Variants in ZNG1B observed in about 807,000 individuals in gnomAD.
ZNG1B encodes the protein Zn regulated GTPase metalloprotein activator 1B.
At chr2:113,450,504 C>G in the ZNG1B span, among the ~76,000 whole-genome samples, 2 of 148,636 alleles carry the variant, frequency 1.3e-5, no homozygotes, top group Non-Finnish European at 3.0e-5. Flanking sequence ...TCATCTTATT[C>G]TGCTTCTTCT....
the ZNG1B span, chr2:113,454,626 A>G: frequency 4.0e-6 from 3 of 744,824 alleles, no homozygotes; most frequent in Admixed American, 2.6e-5. Flanking sequence ...TGTTTTATTG[A>G]GTAGTATTTG....
chr2:113,489,532 A>G, the ZNG1B span, among the ~76,000 whole-genome samples: 1 of 152,174 alleles, frequency 6.6e-6, no homozygotes, highest in African/African-American at 2.4e-5. Context: ...CTAACATTGA[A>G]TATAAATGGC....
chr2:113,475,566 T>C, the ZNG1B span, among the ~76,000 whole-genome samples: 10 of 151,836 alleles, frequency 6.6e-5, no homozygotes, highest in Non-Finnish European at 1.0e-4. Context: ...CGTTAGTTGA[T>C]GCAGTTTCTT....
At chr2:113,440,136 G>A in the ZNG1B span, among the ~76,000 whole-genome samples, 23 of 151,602 alleles carry the variant, frequency 1.5e-4, 1 homozygote, top group South Asian at 4.4e-3. Context: ...CGCCCGCCTC[G>A]GCCTCCCAAA....
the ZNG1B span, among the ~76,000 whole-genome samples, chr2:113,477,898 C>G: frequency 6.6e-5 from 10 of 152,182 alleles, no homozygotes; most frequent in African/African-American, 2.4e-4. Flanking sequence ...TTACCTGACG[C>G]AAGTGGAATC....
At chr2:113,456,091 A>G in the ZNG1B span, among the ~76,000 whole-genome samples, 1 of 151,598 alleles carries the variant, frequency 6.6e-6, no homozygotes, top group African/African-American at 2.4e-5. Context: ...GGGATATGTC[A>G]GGTTTGTCAA....
chr2:113,461,420 A>C, the ZNG1B span, among the ~76,000 whole-genome samples: 3 of 151,876 alleles, frequency 2.0e-5, no homozygotes, highest in Non-Finnish European at 1.5e-5. Flanking sequence ...CCTTATGAAA[A>C]TATGGTTATT....
chr2:113,446,878 A>G, the ZNG1B span, among the ~76,000 whole-genome samples: 1 of 151,992 alleles, frequency 6.6e-6, no homozygotes, highest in Admixed American at 6.6e-5. Flanking sequence ...GCTACTTGGT[A>G]GTATGTTGAA....
At chr2:113,471,009 T>C in the ZNG1B span, 13 of 1,577,524 alleles carry the variant, frequency 8.2e-6, no homozygotes, top group Non-Finnish European at 1.0e-5. Flanking sequence ...TTCCAACTGC[T>C]CACGTTAGTT....
chr2:113,462,706 T>C, the ZNG1B span: 1 of 582,794 alleles, frequency 1.7e-6, no homozygotes, highest in East Asian at 2.9e-5. Context: ...TAGTTCACAG[T>C]TAATAGACTG....
chr2:113,469,144 A>T, the ZNG1B span: 3 of 151,676 alleles, frequency 2.0e-5, no homozygotes, highest in Non-Finnish European at 2.9e-5. Context: ...TTTTATTTTT[A>T]TTTATTTTTA....
At chr2:113,495,747 T>G in the ZNG1B span, 1 of 730,074 alleles carries the variant, frequency 1.4e-6, no homozygotes, top group Non-Finnish European at 2.1e-6. Context: ...TACATAACAC[T>G]AGAGGCATTT....
At chr2:113,475,694 A>G in the ZNG1B span, among the ~76,000 whole-genome samples, 1 of 151,984 alleles carries the variant, frequency 6.6e-6, no homozygotes, top group African/African-American at 2.4e-5. Flanking sequence ...GGTGGTGACA[A>G]AATCTCTCAG....
the ZNG1B span, among the ~76,000 whole-genome samples, chr2:113,454,378 AACCT>A: frequency 1.3e-5 from 2 of 151,972 alleles, no homozygotes; most frequent in African/African-American, 4.8e-5. Flanking sequence ...AACTAGAAAT[AACCT>A]GTCTTATGTA....
chr2:113,443,350 G>C, the ZNG1B span, among the ~76,000 whole-genome samples: 1 of 151,534 alleles, frequency 6.6e-6, no homozygotes, highest in Admixed American at 6.6e-5. Flanking sequence ...TTTAGAAGAA[G>C]AATGAAAAGA....
the ZNG1B span, chr2:113,470,884 G>T: frequency 1.8e-5 from 12 of 651,340 alleles, 1 homozygote; most frequent in South Asian, 4.0e-5. Flanking sequence ...TTTCAATCTT[G>T]ATTCAACTGT....
the ZNG1B span, among the ~76,000 whole-genome samples, chr2:113,447,036 C>T: frequency 3.9e-3 from 483 of 123,230 alleles, no homozygotes; most frequent in African/African-American, 0.011. Context: ...ACAGCCATAC[C>T]GCAGGGATAT....
the ZNG1B span, chr2:113,453,128 T>C: frequency 2.5e-6 from 4 of 1,578,702 alleles, no homozygotes; most frequent in South Asian, 4.7e-5. Flanking sequence ...ATGAATATTA[T>C]ATATTTTCAG....
chr2:113,439,087 G>T, the ZNG1B span: 6 of 1,541,318 alleles, frequency 3.9e-6, no homozygotes, highest in Non-Finnish European at 5.3e-6. Flanking sequence ...TTTCAAACGT[G>T]CCGCTCGGGC....
Sources: allele counts gnomAD v4.1 joint callset (sites outside exome capture counted in the v4.1 genomes callset), GRCh38; gene constraint gnomAD v4.1.1; transcripts MANE v1.5; gene names NCBI Gene and HGNC (gene_info 2026-07-23, HGNC 2026-07-21).